The following LYST variants were observed in gnomAD, a reference collection of about 807,000 sequenced individuals.
The protein encoded by LYST is lysosomal trafficking regulator.
In LYST, 192 loss-of-function variants were observed where a neutral mutation model predicts 413.6. The observed-to-expected ratio is 0.46, with a 90% CI of 0.41 to 0.52. The LOEUF (loss-of-function observed/expected upper bound fraction) is 0.52, where lower values mean the gene tolerates loss of function less well. LYST is among the 20% of genes least tolerant of loss of function. LYST has a pLI of 0.00. For missense variants in LYST, 3,815 were observed against 4,499.9 expected (o/e 0.85, Z 4.35); for synonymous variants, 1,525 against 1,567.3 (o/e 0.97, Z 0.64).
intron 30 of LYST, among the ~76,000 whole-genome samples, chr1:235,743,400 G>T (rs1275231530): frequency 6.6e-6 from 1 of 152,148 alleles, no homozygotes; most frequent in Admixed American, 6.5e-5. Flanking sequence ...TAGATTTAGA[G>T]ATTGACATGT....
chr1:235,846,478 C>T (rs369825666), intron 1 of LYST, among the ~76,000 whole-genome samples: 6 of 152,092 alleles, frequency 3.9e-5, no homozygotes, highest in Admixed American at 2.6e-4. Context: ...CAACACCCCC[C>T]CAAAATTTCT....
At chr1:235,834,292 A>G (rs1318486208) in intron 1 of LYST, among the ~76,000 whole-genome samples, 1 of 152,174 alleles carries the variant, frequency 6.6e-6, no homozygotes, top group Non-Finnish European at 1.5e-5. Flanking sequence ...CCCCTTCTCT[A>G]CAGTGCTTAC....
chr1:235,661,903 A>C lies in LYST; in HGVS notation c.*1037T>G, dbSNP rs1658078119. The C allele has an allele frequency of 6.6e-6, 1 of 152,482 alleles. No homozygotes were observed. The highest frequency in any genetic ancestry group is 1.5e-5 in the Non-Finnish European group (1 of 68,038). The allele number at this position is 152,482 out of a possible 1,614,324, so 9.4% of individuals were successfully genotyped here. On this transcript the variant is annotated 3_prime_UTR_variant, in exon 53 of 53. Transcript: ENST00000389793. Reference sequence around the variant, plus strand: ...GCTGTGGAATACACGAGATTTTATTATTCTTCCTAGAATTCTCAGATGGTA... The same window carrying C: ...GCTGTGGAATACACGAGATTTTATTCTTCTTCCTAGAATTCTCAGATGGTA...
chr1:235,687,151 C>T (rs1660281432), intron 47 of LYST, 104 bp from the exon 48 acceptor site: 2 of 833,028 alleles, frequency 2.4e-6, no homozygotes, highest in South Asian at 1.6e-5. Flanking sequence ...ACTTTTCTGA[C>T]AACTATTTTT....
chr1:235,752,027 A>G lies in LYST; in HGVS notation c.7605T>C (p.Asn2535=). ...TACTTTGTGTCCTCTTGTTTTTGCT[A>G]TTTTGAAGATATCCAAGCATTACAA... ...DLIVMLGYLQ[N]SKNKRTQNMA... The change falls in exon 27 of 53, where the codon AAT becomes AAC. Residue 2535 remains asparagine, a synonymous_variant. Transcript: ENST00000389793. The G allele has an allele frequency of 1.2e-6, 2 of 1,610,470 alleles. No homozygotes were observed. The highest frequency in any genetic ancestry group is 1.3e-5 in the African/African-American group (1 of 74,938).
In LYST at chr1:235,791,830, T is replaced by A; in HGVS notation, c.4412A>T (p.Glu1471Val). 6.2e-7 allele frequency: 1 copy of A among 1,614,162 alleles called. No individual in the cohort carries two copies. Among genetic ancestry groups the A allele is most frequent in the Non-Finnish European group, 8.5e-7 (1 of 1,180,002 alleles). Residue 1471 changes from glutamate (E) to valine (V), a missense_variant, in exon 12 of 53, where the codon GAA (glutamate) becomes GTA (valine). This residue lies in a region of LYST where 1,648 missense variants were observed against 1,810.3 expected (regional missense o/e 0.91). Transcript: ENST00000389793. ...LGQNCWPHLS[E>V]GFSVSLWFNV... ...AAACCACAGGGAAACACTGAAACCTTCTGATAGGTGTGGCCAGCAGTTTTG... is the reference window on the plus strand; with the variant it reads ...AAACCACAGGGAAACACTGAAACCTACTGATAGGTGTGGCCAGCAGTTTTG...
At chr1:235,766,702 C>G (rs2103397219) in intron 20 of LYST, among the ~76,000 whole-genome samples, 1 of 152,204 alleles carries the variant, frequency 6.6e-6, no homozygotes, top group Middle Eastern at 3.4e-3. Context: ...GTTATAAGGA[C>G]TAAATAACAT....
At chr1:235,691,276 A>G (rs1306643894) in intron 47 of LYST, among the ~76,000 whole-genome samples, 1 of 152,216 alleles carries the variant, frequency 6.6e-6, no homozygotes, top group East Asian at 1.9e-4. Context: ...TTTCTGAGAA[A>G]GAAGTGTGAG....
At chr1:235,752,650 G>A (rs934523692) in intron 26 of LYST, among the ~76,000 whole-genome samples, 2 of 151,968 alleles carry the variant, frequency 1.3e-5, no homozygotes, top group African/African-American at 4.8e-5. Context: ...ACTAAAAGAG[G>A]TAATAGATTT....
chr1:235,675,593 A>G (rs149190784), intron 50 of LYST, among the ~76,000 whole-genome samples: 63 of 152,276 alleles, frequency 4.1e-4, no homozygotes, highest in African/African-American at 1.4e-3. Flanking sequence ...AACATGGTGC[A>G]CCCTAACTCC....
intron 48 of LYST, among the ~76,000 whole-genome samples, chr1:235,682,103 A>G (rs1659865620): frequency 1.3e-5 from 2 of 152,188 alleles, no homozygotes; most frequent in African/African-American, 4.8e-5. Flanking sequence ...TGAGCCCAGG[A>G]GCTCGAGAAT....
At chr1:235,668,929 G>A (rs1658709450) in intron 50 of LYST, among the ~76,000 whole-genome samples, 1 of 152,098 alleles carries the variant, frequency 6.6e-6, no homozygotes. Flanking sequence ...TTTTACAACT[G>A]GGGGCTAAGA....
chr1:235,878,373 A>G (rs1681231219), intron 1 of LYST, among the ~76,000 whole-genome samples: 1 of 152,030 alleles, frequency 6.6e-6, no homozygotes, highest in African/African-American at 2.4e-5. Context: ...GCTTCTCCTG[A>G]ATTCTATGTG....
At chr1:235,804,287 A>G (rs1430452104) in intron 7 of LYST, among the ~76,000 whole-genome samples, 6 of 152,226 alleles carry the variant, frequency 3.9e-5, no homozygotes, top group African/African-American at 7.2e-5. Context: ...GGAAAAGCTT[A>G]TCATATCACT....
chr1:235,775,247 CTG>C (rs1343933232), intron 17 of LYST, among the ~76,000 whole-genome samples, 161 bp from the exon 18 acceptor site: 2 of 152,038 alleles, frequency 1.3e-5, no homozygotes, highest in African/African-American at 2.4e-5. Flanking sequence ...ATAAACAAAA[CTG>C]AGAGTAAGGC....
intron 10 of LYST, among the ~76,000 whole-genome samples, chr1:235,798,188 A>G (rs576613379): frequency 2.3e-4 from 35 of 152,306 alleles, no homozygotes; most frequent in African/African-American, 7.0e-4. Flanking sequence ...TACAGTCAAG[A>G]GGTACCTAAG....
Position 235,808,626 on chromosome 1 carries a change from T to G in LYST, c.2192A>C (p.Tyr731Ser). ...GAGCACAGGATTAAATATGTAATTA[T>G]ATAATTTCCACTGAACAACTATATT... ...KGNIVVQWKL[Y>S]NYIFNPVLQR... Residue 731 changes from tyrosine (Y) to serine (S), a missense_variant, in exon 5 of 53, where the codon TAT becomes TCT. By Grantham distance (144) the Tyr-to-Ser change is moderately radical. Around this residue, in one of 4 missense-constraint regions of LYST, gnomAD observed 1,648 missense variants for 1,810.3 expected, o/e 0.91. Transcript: ENST00000389793. 6.2e-7 allele frequency: 1 copy of G among 1,613,764 alleles called. No individual in the cohort carries two copies. The highest frequency in any genetic ancestry group is 1.3e-5 in the African/African-American group (1 of 75,050).
chr1:235,712,804 T>G (rs927166974), intron 42 of LYST: 1 of 984,778 alleles, frequency 1.0e-6, no homozygotes, highest in Non-Finnish European at 1.2e-6. Context: ...AGTCACTCTT[T>G]CGTTCATTTT....
chr1:235,737,521 T>C (rs947628969), intron 31 of LYST: 1 of 152,178 alleles, frequency 6.6e-6, no homozygotes. Context: ...AAGGTCTTCT[T>C]GGGAGGGAAG....
Sources: gnomAD v4.1 joint callset for allele counts (sites outside exome capture counted in the v4.1 genomes callset) on GRCh38, gnomAD v4.1.1 for gene constraint, gnomAD v4.1.1 regional missense constraint, MANE v1.5 for transcripts, NCBI Gene and HGNC (gene_info 2026-07-23, HGNC 2026-07-21) for gene names.